Variants in PCSK5 observed in about 807,000 individuals in gnomAD.
PCSK5 encodes the protein proprotein convertase subtilisin/kexin type 5, also known as prohormone convertase 5.
Under a neutral mutation model 233.2 loss-of-function variants are expected in PCSK5, and 129 were observed. The observed-to-expected ratio is 0.55, with a 90% CI of 0.48 to 0.64. PCSK5 has a LOEUF of 0.64. PCSK5 is among the 30% of genes least tolerant of loss of function. The pLI, the probability that PCSK5 is intolerant of heterozygous loss-of-function variation, is 0.00. For synonymous variants in PCSK5, 825 were observed against 879.2 expected, an observed-to-expected ratio of 0.94 and a Z score of 1.09; for missense variants, 2,076 against 2,430.1, an observed-to-expected ratio of 0.85 and a Z score of 3.06.
intron 6 of PCSK5, among the ~76,000 whole-genome samples, chr9:76,069,535 C>T (rs1280523866): frequency 1.3e-5 from 2 of 151,682 alleles, no homozygotes; most frequent in East Asian, 3.9e-4. Context: ...AAATTTAACC[C>T]CCATACCCAA....
At chr9:76,033,095 G>A (rs1398741111) in intron 5 of PCSK5, among the ~76,000 whole-genome samples, 2 of 152,190 alleles carry the variant, frequency 1.3e-5, no homozygotes, top group South Asian at 4.1e-4. Flanking sequence ...TTTTACGAAT[G>A]TTGCCATGTT....
chr9:76,189,553 C>A, intron 19 of PCSK5, 78 bp from the exon 20 acceptor site: 1 of 851,334 alleles, frequency 1.2e-6, no homozygotes, highest in East Asian at 2.4e-5. Flanking sequence ...AAATGTAAGA[C>A]ATTATGAGGT....
At position 76,022,047 on chromosome 9, in the gene PCSK5, CCTT is replaced by C. The variant is rs1443095855; in HGVS notation, c.412-1688_412-1686del. Reference sequence around the variant, plus strand: ...CCCTAGGCTCTTGGGCAGACCAACTCCTTCTCACATTTCACGTTTGCAGAGACT... The same window carrying C: ...CCCTAGGCTCTTGGGCAGACCAACTCCTCACATTTCACGTTTGCAGAGACT... On this transcript the variant is annotated intron_variant, in intron 3 of 37. Coordinates refer to ENST00000674117, the MANE Select transcript of PCSK5 (RefSeq NM_001372043.1). Among the ~76,000 whole-genome samples the C allele has an allele frequency of 3.3e-5, 5 of 152,336 alleles. No individual in the cohort carries two copies. The East Asian group carries it at 7.7e-4, about 24-fold the overall frequency.
intron 32 of PCSK5, among the ~76,000 whole-genome samples, chr9:76,327,121 T>C (rs55656301): frequency 5.0e-4 from 72 of 143,526 alleles, no homozygotes; most frequent in Non-Finnish European, 9.5e-4. Context: ...TTTTTTTTTT[T>C]CCTGAGACAG....
At chr9:76,102,658 G>A (rs918708366) in intron 8 of PCSK5, among the ~76,000 whole-genome samples, 2 of 152,086 alleles carry the variant, frequency 1.3e-5, no homozygotes, top group African/African-American at 4.8e-5. Flanking sequence ...TAAGGGATAC[G>A]CAACCTGTAG....
chr9:76,166,313 CAG>C (rs1823084465), intron 12 of PCSK5, among the ~76,000 whole-genome samples: 1 of 152,188 alleles, frequency 6.6e-6, no homozygotes, highest in South Asian at 2.1e-4. Context: ...GCCACATAGA[CAG>C]AGCTCATTTA....
intron 2 of PCSK5, among the ~76,000 whole-genome samples, chr9:75,965,842 C>G (rs973610922): frequency 2.6e-5 from 4 of 152,014 alleles, no homozygotes; most frequent in South Asian, 2.1e-4. Context: ...GTCACTGATT[C>G]CAAAATAAGA....
intron 1 of PCSK5, among the ~76,000 whole-genome samples, chr9:75,901,860 A>C (rs1292773097): frequency 1.3e-5 from 2 of 152,178 alleles, no homozygotes; most frequent in Non-Finnish European, 2.9e-5. Context: ...AAAAAGAAAA[A>C]ATGAACCAGT....
intron 3 of PCSK5, among the ~76,000 whole-genome samples, chr9:75,999,212 C>T (rs960242115): frequency 6.6e-6 from 1 of 152,112 alleles, no homozygotes; most frequent in Non-Finnish European, 1.5e-5. Context: ...CCTCCCCTAG[C>T]CCCCCAGCCC....
rs370596063 is a variant in PCSK5, at chr9:76,240,603, T to A, written c.3074-13T>A. 15 of 1,553,124 alleles carry A rather than the reference T, an allele frequency of 9.7e-6. No individual in the cohort carries two copies. The highest frequency in any genetic ancestry group is 1.3e-5 in the Non-Finnish European group (15 of 1,141,640). On this transcript the variant is annotated splice_polypyrimidine_tract_variant and intron_variant, in intron 23 of 37. Coordinates refer to ENST00000674117, the MANE Select transcript of PCSK5 (RefSeq NM_001372043.1). ...GGAAATGAGTTGTGTTTTTCACTTC[T>A]CTGTCTGTGTAGGTGAAGTCCAAGA...
At chr9:75,954,421 C>T (rs953489527) in intron 2 of PCSK5, among the ~76,000 whole-genome samples, 3 of 152,128 alleles carry the variant, frequency 2.0e-5, no homozygotes, top group Non-Finnish European at 2.9e-5. Context: ...ATCTCCCCCT[C>T]CCGCTCCTAG....
Position 75,991,385 on chromosome 9 carries a change from G to A in PCSK5, c.411+5140G>A, listed in dbSNP as rs558797378. 2.3e-3 allele frequency among the ~76,000 whole-genome samples: 351 copies of A among 152,182 alleles called. 2 individuals carry two copies. Among genetic ancestry groups the A allele is most frequent in the Non-Finnish European group, 4.0e-3 (274 of 68,008 alleles). The stretch of plus-strand genomic sequence containing the variant: ...CCCTTTGAGACACCACTTCCCTACC[G>A]TATTTAATTAACCAAGGTTATGTGA... On this transcript the variant is annotated intron_variant, in intron 3 of 37. Coordinates refer to ENST00000674117, the MANE Select transcript of PCSK5 (RefSeq NM_001372043.1).
At position 76,203,929 on chromosome 9, in the gene PCSK5, C is replaced by T. The variant is rs368289271; in HGVS notation, c.2626+14183C>T. 1.2e-4 allele frequency among the ~76,000 whole-genome samples: 19 copies of T among 152,260 alleles called. No individual in the cohort carries two copies. In the South Asian group the frequency reaches 3.9e-3, roughly 32 times the overall value. ...TTACTAGCTGTGTGATCTTAGGGAA[C>T]ACATTTAACTTCTCTGTGCCCCTGC... On this transcript the variant is annotated intron_variant, in intron 20 of 37. Transcript: ENST00000674117.
chr9:76,078,560 G>T (rs556448203), intron 7 of PCSK5, among the ~76,000 whole-genome samples: 1 of 151,942 alleles, frequency 6.6e-6, no homozygotes, highest in Admixed American at 6.6e-5. Context: ...TTATCCCAGC[G>T]CCATTTATTG....
chr9:76,265,094 T>C (rs947041977), intron 24 of PCSK5, among the ~76,000 whole-genome samples: 29 of 152,294 alleles, frequency 1.9e-4, no homozygotes, highest in African/African-American at 6.7e-4. Flanking sequence ...GAAAAAATTA[T>C]GTCCTTTGTA....
At chr9:76,043,656 C>A (rs1447083544) in intron 5 of PCSK5, among the ~76,000 whole-genome samples, 2 of 152,016 alleles carry the variant, frequency 1.3e-5, no homozygotes, top group African/African-American at 4.8e-5. Flanking sequence ...TGAAAATGGG[C>A]CATGCACATA....
intron 20 of PCSK5, among the ~76,000 whole-genome samples, chr9:76,199,905 C>T (rs1017102057): frequency 1.2e-4 from 18 of 152,190 alleles, no homozygotes; most frequent in Admixed American, 1.2e-3. Flanking sequence ...ACTTCAGACA[C>T]CCCAACCCCC....
chr9:76,304,234 G>A (rs997539722), intron 28 of PCSK5, among the ~76,000 whole-genome samples: 4 of 152,154 alleles, frequency 2.6e-5, no homozygotes, highest in Admixed American at 6.5e-5. Flanking sequence ...CAACTACCCA[G>A]CCTGGCAGCC....
intron 1 of PCSK5, among the ~76,000 whole-genome samples, chr9:75,929,351 A>G (rs1314535409): frequency 6.6e-6 from 1 of 152,032 alleles, no homozygotes; most frequent in Admixed American, 6.5e-5. Flanking sequence ...TCCTGTCTCA[A>G]TGGAACATAT....
Sources: gnomAD v4.1 joint callset for allele counts (sites outside exome capture counted in the v4.1 genomes callset) on GRCh38, gnomAD v4.1.1 for gene constraint, MANE v1.5 for transcripts, NCBI Gene and HGNC (gene_info 2026-07-23, HGNC 2026-07-21) for gene names.